The following SLC5A3 variants were observed in gnomAD, a reference collection of about 807,000 sequenced individuals.
SLC5A3 encodes solute carrier family 5 member 3.
Under a neutral mutation model 43.2 loss-of-function variants are expected in SLC5A3, and 10 were observed. The ratio of observed to expected loss-of-function variants is 0.23; its 90% CI spans 0.14 to 0.39. The LOEUF (loss-of-function observed/expected upper bound fraction) is 0.39, where lower values mean the gene tolerates loss of function less well. SLC5A3 is among the 10% of genes least tolerant of loss of function. The pLI, the probability that SLC5A3 is intolerant of heterozygous loss-of-function variation, is 1.00. For synonymous variants in SLC5A3, 349 were observed against 322.0 expected (o/e 1.08, Z -0.90); for missense variants, 608 against 893.4 (o/e 0.68, Z 4.07).
chr21:34,104,377 C>A lies in SLC5A3; in HGVS notation c.*7022C>A. 1 of 1,000,210 alleles carries A rather than the reference C, an allele frequency of 1.0e-6. No homozygotes were observed. The highest frequency in any genetic ancestry group is 1.2e-6 in the Non-Finnish European group (1 of 829,952). The allele number at this position is 1,000,210 out of a possible 1,614,324, so 62.0% of individuals were successfully genotyped here. A position where few individuals can be genotyped will look rare whatever the true frequency, so the allele number is the denominator to read the frequency against. The stretch of plus-strand genomic sequence containing the variant: ...ATTGCCCTTTTCCACCTCCTCACTT[C>A]ACCTCCGAGTAGCTTGTTTATCAAG... On this transcript the variant is annotated 3_prime_UTR_variant, in exon 2 of 2. Transcript: ENST00000381151.
chr21:34,089,668 G>T (rs752822589), intron 1 of SLC5A3, among the ~76,000 whole-genome samples: 18 of 152,088 alleles, frequency 1.2e-4, no homozygotes, highest in Admixed American at 5.9e-4. Context: ...CCCCACTCCT[G>T]TCCCGGGAGA....
chr21:34,103,691 A>G lies in SLC5A3; in HGVS notation c.*6336A>G, dbSNP rs1255451754. On this transcript the variant is annotated 3_prime_UTR_variant, in exon 2 of 2. Transcript: ENST00000381151. ...ACCAGGTATTTGTCTCAGAGTTGCT[A>G]TGAGCACTACAGTATTGATAAGCCC... The G allele has an allele frequency of 4.0e-6, 4 of 1,000,060 alleles. No homozygotes were observed. The highest frequency in any genetic ancestry group is 1.1e-4 in the East Asian group (1 of 8,832). The allele number at this position is 1,000,060 out of a possible 1,614,324, so 61.9% of individuals were successfully genotyped here. A position where few individuals can be genotyped will look rare whatever the true frequency, so the allele number is the denominator to read the frequency against.
Position 34,097,766 on chromosome 21 carries a change from C to T in SLC5A3, c.*411C>T. 1 of 1,001,590 alleles carries T rather than the reference C, an allele frequency of 1.0e-6. No individual in the cohort carries two copies. The highest frequency in any genetic ancestry group is 1.2e-6 in the Non-Finnish European group (1 of 830,636). The allele number at this position is 1,001,590 out of a possible 1,614,324, so 62.0% of individuals were successfully genotyped here. A position where few individuals can be genotyped will look rare whatever the true frequency, so the allele number is the denominator to read the frequency against. ...AATTTTTTTTTCTGTCTCTGTAATCCCTCCTACCATTAAGAAAAACTTATT... is the reference window on the plus strand; with the variant it reads ...AATTTTTTTTTCTGTCTCTGTAATCTCTCCTACCATTAAGAAAAACTTATT... On this transcript the variant is annotated 3_prime_UTR_variant, in exon 2 of 2. Coordinates refer to ENST00000381151, the MANE Select transcript of SLC5A3 (RefSeq NM_006933.7).
intron 1 of SLC5A3, among the ~76,000 whole-genome samples, chr21:34,074,456 C>CTGGAG (rs1989274456): frequency 6.6e-6 from 1 of 152,218 alleles, no homozygotes; most frequent in Non-Finnish European, 1.5e-5. Flanking sequence ...TTTCTTCCCC[C>CTGGAG]TGCTTTTGAT....
At chr21:34,088,001 G>C (rs1321016417) in intron 1 of SLC5A3, among the ~76,000 whole-genome samples, 1 of 152,134 alleles carries the variant, frequency 6.6e-6, no homozygotes, top group African/African-American at 2.4e-5. Context: ...AGATGGGGAG[G>C]ATTGAGAGTA....
Position 34,104,065 on chromosome 21 carries a change from A to G in SLC5A3, c.*6710A>G. Reference sequence around the variant, plus strand: ...AGAAAGTCATACTTTAACAGGGCAAATACTACTTGTCTTTGATTTTTTTTG... The same window carrying G: ...AGAAAGTCATACTTTAACAGGGCAAGTACTACTTGTCTTTGATTTTTTTTG... On this transcript the variant is annotated 3_prime_UTR_variant, in exon 2 of 2. Transcript: ENST00000381151. 4.0e-6 allele frequency: 4 copies of G among 1,000,108 alleles called. No homozygotes were observed. The highest frequency in any genetic ancestry group is 4.8e-6 in the Non-Finnish European group (4 of 829,936). 62.0% of individuals were successfully genotyped at this position (1,000,108 alleles called of 1,614,324 possible). A position where few individuals can be genotyped will look rare whatever the true frequency, so the allele number is the denominator to read the frequency against.
chr21:34,098,479 A>G lies in SLC5A3; in HGVS notation c.*1124A>G, dbSNP rs1979075270. 2.0e-6 allele frequency: 2 copies of G among 1,000,214 alleles called. No homozygotes were observed. Among genetic ancestry groups the G allele is most frequent in the Non-Finnish European group, 2.4e-6 (2 of 829,994 alleles). 62.0% of individuals were successfully genotyped at this position (1,000,214 alleles called of 1,614,324 possible). ...TTTTCCCTGATTTTTTTTTTCCTCA[A>G]AAGACTTTCCATCTGTACACAGCCT... On this transcript the variant is annotated 3_prime_UTR_variant, in exon 2 of 2. Coordinates refer to ENST00000381151, the MANE Select transcript of SLC5A3 (RefSeq NM_006933.7).
intron 1 of SLC5A3, among the ~76,000 whole-genome samples, chr21:34,074,381 C>G (rs890320804): frequency 2.0e-5 from 3 of 152,274 alleles, no homozygotes; most frequent in African/African-American, 7.2e-5. Flanking sequence ...AAATCCCGCT[C>G]CGGGTGCCCT....
At chr21:34,074,743 T>A (rs1342575305) in intron 1 of SLC5A3, among the ~76,000 whole-genome samples, 1 of 152,242 alleles carries the variant, frequency 6.6e-6, no homozygotes, top group Non-Finnish European at 1.5e-5. Context: ...TAAGCACAGC[T>A]TCCTACAGCG....
At chr21:34,085,665 G>A (rs1978335635) in intron 1 of SLC5A3, among the ~76,000 whole-genome samples, 1 of 148,196 alleles carries the variant, frequency 6.7e-6, no homozygotes, top group Non-Finnish European at 1.5e-5. Flanking sequence ...CCAGTGGCGT[G>A]ATCTCGGCTC....
Position 34,098,385 on chromosome 21 carries a change from A to G in SLC5A3, c.*1030A>G. ...CTGGATTGCTCTACTTGATTAGATC[A>G]TGATATATCAAGGTTGAATTTTTAG... On this transcript the variant is annotated 3_prime_UTR_variant, in exon 2 of 2. Transcript: ENST00000381151. 3.0e-6 allele frequency: 3 copies of G among 1,000,292 alleles called. No homozygotes were observed. The highest frequency in any genetic ancestry group is 3.6e-6 in the Non-Finnish European group (3 of 829,996). 62.0% of individuals were successfully genotyped at this position (1,000,292 alleles called of 1,614,324 possible). A position where few individuals can be genotyped will look rare whatever the true frequency, so the allele number is the denominator to read the frequency against.
Position 34,073,721 on chromosome 21 carries a change from T to C in SLC5A3, c.-361T>C. 6.5e-7 allele frequency: 1 copy of C among 1,529,170 alleles called. No individual in the cohort carries two copies. Among genetic ancestry groups the C allele is most frequent in the Non-Finnish European group, 8.8e-7 (1 of 1,132,388 alleles). 94.7% of individuals were successfully genotyped at this position (1,529,170 alleles called of 1,614,324 possible). ...CAGGCATGCCCCGCTACGAGCTGGC[T>C]TTAATCCTGAAAGCCATGCAGCGGG... is the stretch of plus-strand genomic sequence containing the variant. On this transcript the variant is annotated 5_prime_UTR_variant, in exon 1 of 2. Transcript: ENST00000381151.
rs1351204496 is a variant in SLC5A3, at chr21:34,096,459, A to G, written c.1261A>G (p.Ile421Val). 3.1e-6 allele frequency: 5 copies of G among 1,614,070 alleles called. No individual in the cohort carries two copies. The highest frequency in any genetic ancestry group is 2.7e-5 in the African/African-American group (2 of 74,924). ...GATATTTGTGGCATTTATGGTGGTG[A>G]TCAGCATAGCATGGGTGCCAATCAT... ...GRIFVAFMVVISIAWVPIIVE... is the reference protein window; with the variant it reads ...GRIFVAFMVVVSIAWVPIIVE... Residue 421 changes from isoleucine to valine, a missense_variant, in exon 2 of 2, where the codon ATC (isoleucine) becomes GTC (valine). Physicochemically the swap from Ile to Val is conservative, Grantham distance 29. Around this residue, in one of 2 missense-constraint regions of SLC5A3, gnomAD observed 398 missense variants for 668.6 expected, o/e 0.60. Transcript: ENST00000381151. This position sits in a 1 kb window ranked among gnomAD's most constrained non-coding sequence, Gnocchi z 5.9.
intron 1 of SLC5A3, among the ~76,000 whole-genome samples, chr21:34,079,143 T>C (rs1262900501): frequency 6.6e-6 from 1 of 152,186 alleles, no homozygotes; most frequent in African/African-American, 2.4e-5. Flanking sequence ...GTCACCTATA[T>C]TTTTGTGGCT....
Position 34,102,591 on chromosome 21 carries a change from T to A in SLC5A3, c.*5236T>A, listed in dbSNP as rs1979294599. 1 of 1,000,194 alleles carries A rather than the reference T, an allele frequency of 1.0e-6. No homozygotes were observed. The highest frequency in any genetic ancestry group is 1.7e-5 in the African/African-American group (1 of 57,366). 62.0% of individuals were successfully genotyped at this position (1,000,194 alleles called of 1,614,324 possible). A position where few individuals can be genotyped will look rare whatever the true frequency, so the allele number is the denominator to read the frequency against. On this transcript the variant is annotated 3_prime_UTR_variant, in exon 2 of 2. Coordinates refer to ENST00000381151, the MANE Select transcript of SLC5A3 (RefSeq NM_006933.7). ...AGTACCATACATAGTCTGAGGCTATTGACTTAAACCAATAACTGTACTTTA... is the reference window on the plus strand; with the variant it reads ...AGTACCATACATAGTCTGAGGCTATAGACTTAAACCAATAACTGTACTTTA...
chr21:34,104,051 C>A lies in SLC5A3; in HGVS notation c.*6696C>A. 1.0e-6 allele frequency: 1 copy of A among 1,000,076 alleles called. No homozygotes were observed. Among genetic ancestry groups the A allele is most frequent in the Non-Finnish European group, 1.2e-6 (1 of 829,896 alleles). The allele number at this position is 1,000,076 out of a possible 1,614,324, so 62.0% of individuals were successfully genotyped here. ...CCCCCCAAACATGCAGAAAGTCATA[C>A]TTTAACAGGGCAAATACTACTTGTC... On this transcript the variant is annotated 3_prime_UTR_variant, in exon 2 of 2. Coordinates refer to ENST00000381151, the MANE Select transcript of SLC5A3 (RefSeq NM_006933.7).
At chr21:34,094,386 A>G (rs1037627891) in intron 1 of SLC5A3, among the ~76,000 whole-genome samples, 49 of 152,252 alleles carry the variant, frequency 3.2e-4, no homozygotes, top group African/African-American at 1.1e-3. Flanking sequence ...TCTAGTAAAC[A>G]CCACCTGCCT....
At chr21:34,079,281 C>T (rs1051499584) in intron 1 of SLC5A3, among the ~76,000 whole-genome samples, 3 of 152,150 alleles carry the variant, frequency 2.0e-5, no homozygotes, top group African/African-American at 7.2e-5. Context: ...GAACATGACC[C>T]TGTTCTTTTG....
Position 34,097,379 on chromosome 21 carries a change from AACTT to A in SLC5A3, c.*26_*29del, listed in dbSNP as rs1388071538. ...GAACTTAAGGATATGGTGAGACACT[AACTT>A]AAGACAATACTGACTGGTCTTTGGG... On this transcript the variant is annotated 3_prime_UTR_variant, in exon 2 of 2. Coordinates refer to ENST00000381151, the MANE Select transcript of SLC5A3 (RefSeq NM_006933.7). 2 of 1,557,208 alleles carry A rather than the reference AACTT, an allele frequency of 1.3e-6. No individual in the cohort carries two copies. Among genetic ancestry groups the A allele is most frequent in the Non-Finnish European group, 1.7e-6 (2 of 1,154,240 alleles).
Sources: allele counts gnomAD v4.1 joint callset (sites outside exome capture counted in the v4.1 genomes callset), GRCh38; gene constraint gnomAD v4.1.1; regional missense constraint gnomAD v4.1.1; non-coding constraint Gnocchi (gnomAD v3.1); transcripts MANE v1.5; gene names NCBI Gene and HGNC (gene_info 2026-07-23, HGNC 2026-07-21).